The following ITPK1 variants were observed in gnomAD, a reference collection of about 807,000 sequenced individuals.
The protein encoded by ITPK1 is inositol-tetrakisphosphate 1-kinase, also known as inositol 1,3,4-trisphosphate 5/6-kinase.
In ITPK1, 21 loss-of-function variants were observed where a neutral mutation model predicts 45.3. The ratio of observed to expected loss-of-function variants is 0.46; its 90% CI spans 0.33 to 0.67. The LOEUF (loss-of-function observed/expected upper bound fraction) is 0.67, where lower values mean the gene tolerates loss of function less well. Among genes scored for constraint, ITPK1 ranks in the 30% least tolerant of loss-of-function variants. The pLI is 0.02. For synonymous variants in ITPK1, 258 were observed against 253.6 expected, an observed-to-expected ratio of 1.02 and a Z score of -0.16; for missense variants, 474 against 573.5, an observed-to-expected ratio of 0.83 and a Z score of 1.77.
chr14:92,958,511 G>T lies in ITPK1; in HGVS notation c.505-145C>A. The T allele has an allele frequency of 1.4e-6, 1 of 713,560 alleles. No homozygotes were observed. The highest frequency in any genetic ancestry group is 2.3e-6 in the Non-Finnish European group (1 of 427,890). 44.2% of individuals were successfully genotyped at this position (713,560 alleles called of 1,614,324 possible). On this transcript the variant is annotated intron_variant, in intron 7 of 10. Transcript: ENST00000267615. This position sits in a 1 kb window ranked among gnomAD's most constrained non-coding sequence, Gnocchi z 4.4. ...GAGGACTCCCCTAGAGGAGCCTTGA[G>T]CCAGGGTGAGTGGAGTGGGACTTGT... is the stretch of plus-strand genomic sequence containing the variant.
chr14:93,115,164 C>T lies in ITPK1; in HGVS notation c.-1G>A, dbSNP rs770515931. On this transcript the variant is annotated 5_prime_UTR_variant, in exon 2 of 11. Coordinates refer to ENST00000267615, the MANE Select transcript of ITPK1 (RefSeq NM_014216.6). ...TCTTCCCTTTCAGAAAGGTCTGCATCTTCCTCCTCGGGCGGGGAGCCTGGG... is the reference window on the plus strand; with the variant it reads ...TCTTCCCTTTCAGAAAGGTCTGCATTTTCCTCCTCGGGCGGGGAGCCTGGG... 1.9e-6 allele frequency: 3 copies of T among 1,601,694 alleles called. No individual in the cohort carries two copies. The highest frequency in any genetic ancestry group is 3.4e-5 in the Admixed American group (2 of 59,336).
rs1340810658 is a variant in ITPK1, at chr14:93,032,339, G to A, written c.121-15538C>T. ...CACTCCAGGCTGGGCGACAGAGCGA[G>A]ACTCCATCTCAAATAATAATAATAA... On this transcript the variant is annotated intron_variant, in intron 3 of 10. Coordinates refer to ENST00000267615, the MANE Select transcript of ITPK1 (RefSeq NM_014216.6). This position sits in a 1 kb window ranked among gnomAD's most constrained non-coding sequence, Gnocchi z 4.0. 7.3e-6 allele frequency among the ~76,000 whole-genome samples: 1 copy of A among 137,308 alleles called. No homozygotes were observed. Among genetic ancestry groups the A allele is most frequent in the Non-Finnish European group, 1.5e-5 (1 of 65,116 alleles). 90.1% of individuals were successfully genotyped at this position (137,308 alleles called of 152,430 possible).
chr14:93,109,556 GAACA>G, intron 2 of ITPK1, among the ~76,000 whole-genome samples: 1 of 152,302 alleles, frequency 6.6e-6, no homozygotes, highest in African/African-American at 2.4e-5. Context: ...AGGAAATCCA[GAACA>G]AACTCTTCTC....
At chr14:92,947,042 G>A (rs1887725707) in intron 9 of ITPK1, among the ~76,000 whole-genome samples, 1 of 152,204 alleles carries the variant, frequency 6.6e-6, no homozygotes. Context: ...GCAGCTGCGG[G>A]ACATGGCTAG....
intron 2 of ITPK1, among the ~76,000 whole-genome samples, chr14:93,078,636 C>A (rs555153021): frequency 6.6e-6 from 1 of 152,260 alleles, no homozygotes; most frequent in East Asian, 1.9e-4. Context: ...TACACAACAG[C>A]ATAGCCCTGG....
intron 3 of ITPK1, among the ~76,000 whole-genome samples, chr14:93,075,100 G>A (rs1310482007): frequency 6.6e-6 from 1 of 152,036 alleles, no homozygotes; most frequent in African/African-American, 2.4e-5. Flanking sequence ...GCCGAGGTGG[G>A]TGGATCACCT....
rs1218758376 is a variant in ITPK1 at position 92,941,111 on chromosome 14, A to G, written c.*450T>C. The G allele has an allele frequency of 8.3e-7, 1 of 1,201,862 alleles. No homozygotes were observed. Among genetic ancestry groups the G allele is most frequent in the Non-Finnish European group, 1.1e-6 (1 of 949,936 alleles). The allele number at this position is 1,201,862 out of a possible 1,614,324, so 74.4% of individuals were successfully genotyped here. A position where few individuals can be genotyped will look rare whatever the true frequency, so the allele number is the denominator to read the frequency against. ...GGGGCAGGTCAGGGAGTGGGGAGTC[A>G]GGCAGAAGGGAAGCCACTCTCACAT... On this transcript the variant is annotated 3_prime_UTR_variant, in exon 11 of 11. Coordinates refer to ENST00000267615, the MANE Select transcript of ITPK1 (RefSeq NM_014216.6).
intron 5 of ITPK1, among the ~76,000 whole-genome samples, chr14:92,983,317 C>G (rs768433775): frequency 3.9e-5 from 6 of 152,142 alleles, no homozygotes; most frequent in Non-Finnish European, 7.4e-5. Flanking sequence ...AACATGGCAG[C>G]CTTTTTTACT....
At chr14:93,046,854 C>T (rs1423222969) in intron 3 of ITPK1, among the ~76,000 whole-genome samples, 1 of 152,220 alleles carries the variant, frequency 6.6e-6, no homozygotes, top group South Asian at 2.1e-4. Flanking sequence ...CTCGGTGGAA[C>T]TCCCACAAGG....
chr14:93,010,348 AG>A (rs1268847387), intron 4 of ITPK1, among the ~76,000 whole-genome samples: 2 of 152,252 alleles, frequency 1.3e-5, no homozygotes, highest in African/African-American at 4.8e-5. Flanking sequence ...AGGGGCCAAC[AG>A]GGTTTGATTC....
intron 8 of ITPK1, 74 bp from the exon 9 acceptor site, chr14:92,952,087 G>A: frequency 8.2e-7 from 1 of 1,218,888 alleles, no homozygotes; most frequent in Non-Finnish European, 1.2e-6. Flanking sequence ...CTGACACCAG[G>A]GGGCAGCATC....
In ITPK1 at chr14:92,940,895, G is replaced by T; in HGVS notation, c.*666C>A. ...GCAGGGCTAAATGGGACGTGTGTTG[G>T]GGGGCCCAGAGGACGCCCAGCTTCC... is the stretch of plus-strand genomic sequence containing the variant. On this transcript the variant is annotated 3_prime_UTR_variant, in exon 11 of 11. Transcript: ENST00000267615. The T allele has an allele frequency of 7.8e-7, 1 of 1,288,484 alleles. No individual in the cohort carries two copies. The highest frequency in any genetic ancestry group is 1.0e-6 in the Non-Finnish European group (1 of 988,792). 79.8% of individuals were successfully genotyped at this position (1,288,484 alleles called of 1,614,324 possible).
intron 5 of ITPK1, among the ~76,000 whole-genome samples, chr14:92,977,505 T>C (rs117866656): frequency 0.03 from 4,603 of 152,358 alleles, 92 homozygotes; most frequent in Non-Finnish European, 0.047. Flanking sequence ...TTTGGCTCTC[T>C]GTCTGCACCC....
rs561319801 is a variant in ITPK1 at position 93,101,324 on chromosome 14, G to A, written c.95+13745C>T. On this transcript the variant is annotated intron_variant, in intron 2 of 10. Coordinates refer to ENST00000267615, the MANE Select transcript of ITPK1 (RefSeq NM_014216.6). ...TTTCAAAAGTTACTCCTCTAAGATC[G>A]TGAATCTCTGTACCTCTGGACTCTG... Among the ~76,000 whole-genome samples the A allele has an allele frequency of 1.7e-4, 26 of 152,322 alleles. No individual in the cohort carries two copies. The South Asian group carries it at 5.2e-3, about 30-fold the overall frequency.
At chr14:93,084,782 C>A (rs928855053) in intron 2 of ITPK1, among the ~76,000 whole-genome samples, 1 of 152,190 alleles carries the variant, frequency 6.6e-6, no homozygotes, top group African/African-American at 2.4e-5. Flanking sequence ...CTCCAAATGC[C>A]AAGGCTTGAC....
chr14:93,088,331 G>GTTTTT (rs1428025538), intron 2 of ITPK1, among the ~76,000 whole-genome samples: 4 of 130,620 alleles, frequency 3.1e-5, no homozygotes, highest in African/African-American at 1.2e-4. Flanking sequence ...TTCTTTTTTG[G>GTTTTT]TTTTGTTTTG....
chr14:92,943,340 C>T (rs1269874740), intron 10 of ITPK1, among the ~76,000 whole-genome samples: 2 of 152,238 alleles, frequency 1.3e-5, no homozygotes. Flanking sequence ...CAGCCCGTTT[C>T]ACAGGTGAGG....
At chr14:93,045,428 C>T (rs1266635351) in intron 3 of ITPK1, among the ~76,000 whole-genome samples, 2 of 152,220 alleles carry the variant, frequency 1.3e-5, no homozygotes, top group Non-Finnish European at 2.9e-5. Flanking sequence ...AAAGACTCTA[C>T]AGCAAATCAC....
Position 92,939,820 on chromosome 14 carries a change from T to C in ITPK1, c.*1741A>G. The C allele has an allele frequency of 2.0e-6, 2 of 985,780 alleles. No homozygotes were observed. The highest frequency in any genetic ancestry group is 1.2e-6 in the Non-Finnish European group (1 of 829,922). The allele number at this position is 985,780 out of a possible 1,614,324, so 61.1% of individuals were successfully genotyped here. A position where few individuals can be genotyped will look rare whatever the true frequency, so the allele number is the denominator to read the frequency against. On this transcript the variant is annotated 3_prime_UTR_variant, in exon 11 of 11. Coordinates refer to ENST00000267615, the MANE Select transcript of ITPK1 (RefSeq NM_014216.6). Reference sequence around the variant, plus strand: ...AAACGTCTTTTAAGGACTGGGAGTATGACATAACAAACTTGAGCAACATGT... The same window carrying C: ...AAACGTCTTTTAAGGACTGGGAGTACGACATAACAAACTTGAGCAACATGT...
Sources: gnomAD v4.1 joint callset for allele counts (sites outside exome capture counted in the v4.1 genomes callset) on GRCh38, gnomAD v4.1.1 for gene constraint, Gnocchi (gnomAD v3.1) non-coding constraint, MANE v1.5 for transcripts, NCBI Gene and HGNC (gene_info 2026-07-23, HGNC 2026-07-21) for gene names.